Variants in NUBPL observed in about 807,000 individuals in gnomAD.
NUBPL encodes iron-sulfur cluster transfer protein NUBPL.
In NUBPL, 31 loss-of-function variants were observed where a neutral mutation model predicts 45.7. The ratio of observed to expected loss-of-function variants is 0.68; its 90% CI spans 0.51 to 0.92. The LOEUF (loss-of-function observed/expected upper bound fraction) is 0.92, where lower values mean the gene tolerates loss of function less well. Ranked by LOEUF, NUBPL falls within the 40% of genes least tolerant of loss-of-function variation. NUBPL has a pLI of 0.00. For synonymous variants in NUBPL, 144 were observed against 140.9 expected (o/e 1.02, Z -0.15); for missense variants, 401 against 398.7 (o/e 1.01, Z -0.05).
intron 7 of NUBPL, among the ~76,000 whole-genome samples, chr14:31,821,125 A>AAAATAAATAAAT (rs71439870): frequency 6.6e-6 from 1 of 150,590 alleles, no homozygotes; most frequent in South Asian, 2.1e-4. Flanking sequence ...CTCCATCTCA[A>AAAATAAATAAAT]AAATAAATAA....
intron 4 of NUBPL, among the ~76,000 whole-genome samples, chr14:31,635,650 G>T (rs2035473585): frequency 6.6e-6 from 1 of 151,818 alleles, no homozygotes; most frequent in Admixed American, 6.6e-5. Flanking sequence ...GCTTGATGGG[G>T]ATGGCATTGA....
intron 3 of NUBPL, among the ~76,000 whole-genome samples, chr14:31,596,776 T>G (rs1456434991): frequency 6.6e-6 from 1 of 152,256 alleles, no homozygotes; most frequent in Non-Finnish European, 1.5e-5. Flanking sequence ...ATGGTCATTT[T>G]GAGTGTAAGT....
intron 6 of NUBPL, among the ~76,000 whole-genome samples, chr14:31,737,998 C>T (rs189352242): frequency 6.6e-6 from 1 of 152,156 alleles, no homozygotes; most frequent in East Asian, 1.9e-4. Context: ...AGTAATGGTT[C>T]AGTGCTGGCC....
chr14:31,642,543 A>G (rs931963214), intron 4 of NUBPL, among the ~76,000 whole-genome samples: 5 of 151,970 alleles, frequency 3.3e-5, no homozygotes, highest in South Asian at 2.1e-4. Flanking sequence ...CCATTGGTCT[A>G]TGTCTGTGTT....
chr14:31,698,159 A>G (rs2037254181), intron 6 of NUBPL, among the ~76,000 whole-genome samples: 1 of 152,054 alleles, frequency 6.6e-6, no homozygotes, highest in Admixed American at 6.6e-5. Context: ...ACATCTTGGC[A>G]TTGTGTCAGT....
At chr14:31,660,523 C>T (rs2036244178) in intron 4 of NUBPL, among the ~76,000 whole-genome samples, 1 of 152,060 alleles carries the variant, frequency 6.6e-6, no homozygotes, top group South Asian at 2.1e-4. Flanking sequence ...CATGTCTTTT[C>T]TTCAAGATAC....
intron 6 of NUBPL, among the ~76,000 whole-genome samples, chr14:31,752,530 A>T (rs927864458): frequency 1.3e-5 from 2 of 152,168 alleles, no homozygotes; most frequent in African/African-American, 2.4e-5. Flanking sequence ...CCTCATCTCC[A>T]TCTGAGACCA....
intron 6 of NUBPL, among the ~76,000 whole-genome samples, chr14:31,740,341 C>T (rs945674968): frequency 2.6e-5 from 4 of 152,108 alleles, no homozygotes; most frequent in African/African-American, 9.7e-5. Flanking sequence ...GGATTTTGGT[C>T]ATTCTGATAG....
intron 4 of NUBPL, among the ~76,000 whole-genome samples, chr14:31,635,901 T>C (rs2035482001): frequency 6.6e-6 from 1 of 152,218 alleles, no homozygotes; most frequent in African/African-American, 2.4e-5. Flanking sequence ...TGTCTGTTAT[T>C]GGTGTGTAAG....
chr14:31,836,413 T>C (rs1313478591), intron 8 of NUBPL, among the ~76,000 whole-genome samples: 1 of 152,252 alleles, frequency 6.6e-6, no homozygotes, highest in Non-Finnish European at 1.5e-5. Flanking sequence ...ATCTGTTTTC[T>C]AATGTTTCTG....
At chr14:31,692,265 T>C (rs2037111373) in intron 6 of NUBPL, among the ~76,000 whole-genome samples, 2 of 152,246 alleles carry the variant, frequency 1.3e-5, no homozygotes, top group African/African-American at 4.8e-5. Context: ...TTAAGATTCC[T>C]GATTAGTATT....
chr14:31,585,928 G>T (rs1026717384), intron 3 of NUBPL, among the ~76,000 whole-genome samples: 7 of 152,146 alleles, frequency 4.6e-5, no homozygotes, highest in African/African-American at 1.7e-4. Context: ...TCAGCATTTT[G>T]TAATGCTTAA....
intron 7 of NUBPL, 44 bp from the exon 8 acceptor site, chr14:31,826,585 A>G (rs755199478): frequency 1.8e-5 from 28 of 1,544,660 alleles, no homozygotes; most frequent in East Asian, 6.8e-5. Context: ...TAATTTCTCC[A>G]TAGAGAATTA....
intron 3 of NUBPL, among the ~76,000 whole-genome samples, chr14:31,590,339 A>G (rs1403743240): frequency 1.3e-5 from 2 of 152,002 alleles, no homozygotes; most frequent in African/African-American, 4.8e-5. Context: ...TCTATCAGGA[A>G]ATTATTTCCT....
intron 6 of NUBPL, among the ~76,000 whole-genome samples, chr14:31,764,634 CAGA>C (rs1566549614): frequency 2.0e-5 from 3 of 152,236 alleles, no homozygotes; most frequent in African/African-American, 7.2e-5. Flanking sequence ...CTCATCAGGG[CAGA>C]AGATTATTAT....
At chr14:31,677,710 A>G (rs925848741) in intron 6 of NUBPL, among the ~76,000 whole-genome samples, 7 of 152,184 alleles carry the variant, frequency 4.6e-5, no homozygotes, top group African/African-American at 1.7e-4. Context: ...ATAGGGTGAC[A>G]CAAGCACCCC....
chr14:31,605,790 T>TTCC (rs754367805), intron 4 of NUBPL, among the ~76,000 whole-genome samples: 3 of 150,572 alleles, frequency 2.0e-5, no homozygotes, highest in African/African-American at 4.9e-5. Flanking sequence ...CTTCTTTTCC[T>TTCC]TCCTCCTCCT....
chr14:31,699,325 T>C (rs1054323198), intron 6 of NUBPL, among the ~76,000 whole-genome samples: 2 of 152,372 alleles, frequency 1.3e-5, no homozygotes, highest in Admixed American at 1.3e-4. Flanking sequence ...TGAATTGATA[T>C]ATTATCCCTA....
intron 6 of NUBPL, among the ~76,000 whole-genome samples, chr14:31,770,685 G>A (rs2038993717): frequency 6.6e-6 from 1 of 152,100 alleles, no homozygotes; most frequent in Admixed American, 6.5e-5. Flanking sequence ...GCTTTGGGAA[G>A]GCTTATATCA....
Sources: allele counts gnomAD v4.1 joint callset (sites outside exome capture counted in the v4.1 genomes callset), GRCh38; gene constraint gnomAD v4.1.1; transcripts MANE v1.5; gene names NCBI Gene and HGNC (gene_info 2026-07-23, HGNC 2026-07-21).